The following SHTN1 variants were observed in gnomAD, a reference collection of about 807,000 sequenced individuals.
SHTN1 encodes shootin 1, also known as shootin-1.
In SHTN1, 42 loss-of-function variants were observed where a neutral mutation model predicts 83.1. The observed-to-expected ratio is 0.51, with a 90% confidence interval of 0.39 to 0.65. The LOEUF is 0.65. Among genes scored for constraint, SHTN1 ranks in the 30% least tolerant of loss-of-function variants. The pLI is 0.00. For missense variants in SHTN1, 622 were observed against 737.8 expected (o/e 0.84, Z 1.82); for synonymous variants, 224 against 247.7 (o/e 0.90, Z 0.90).
chr10:117,011,569 G>A (rs1479080820), intron 2 of SHTN1, among the ~76,000 whole-genome samples: 1 of 152,166 alleles, frequency 6.6e-6, no homozygotes, highest in Non-Finnish European at 1.5e-5. Context: ...GTTTAGTGAG[G>A]TTACAGGATA....
chr10:117,075,686 C>G (rs1447768464), intron 1 of SHTN1, among the ~76,000 whole-genome samples: 2 of 152,040 alleles, frequency 1.3e-5, no homozygotes, highest in East Asian at 3.9e-4. Flanking sequence ...ATAGTAGTGG[C>G]TCAACTAGGA....
intron 7 of SHTN1, among the ~76,000 whole-genome samples, chr10:116,947,040 G>A (rs915894568): frequency 2.6e-5 from 4 of 151,994 alleles, no homozygotes; most frequent in African/African-American, 4.8e-5. Context: ...ATTTTTAAGT[G>A]TTCTCCATAT....
chr10:117,005,259 A>C, upstream of SHTN1: 1 of 1,445,428 alleles, frequency 6.9e-7, no homozygotes, highest in Non-Finnish European at 9.1e-7. Context: ...CCACGCACCT[A>C]CTCGGCGGCT....
chr10:117,123,827 T>C (rs1415562274), intron 1 of SHTN1, among the ~76,000 whole-genome samples: 2 of 149,630 alleles, frequency 1.3e-5, no homozygotes, highest in Admixed American at 6.8e-5. Context: ...GAGAACTGCT[T>C]GAACCCGAGA....
At chr10:117,009,008 A>G (rs1479110804), upstream of SHTN1, among the ~76,000 whole-genome samples, 9 of 152,030 alleles carry the variant, frequency 5.9e-5, no homozygotes, top group Non-Finnish European at 1.5e-5. Flanking sequence ...CCAGCTACTC[A>G]GGAGGCTGAG....
intron 16 of SHTN1, among the ~76,000 whole-genome samples, chr10:116,900,143 A>T (rs1488676136): frequency 6.6e-6 from 1 of 152,254 alleles, no homozygotes; most frequent in African/African-American, 2.4e-5. Context: ...TACTGTCAAT[A>T]TGAAAATACA....
intron 15 of SHTN1, 70 bp downstream of exon 15, chr10:116,906,556 GT>G: frequency 1.4e-6 from 2 of 1,446,482 alleles, no homozygotes; most frequent in Non-Finnish European, 1.9e-6. Flanking sequence ...ATTGTTTCAT[GT>G]AAAAAGAGAC....
At chr10:116,900,882 G>A in intron 16 of SHTN1, 1 of 985,268 alleles carries the variant, frequency 1.0e-6, no homozygotes, top group African/African-American at 1.7e-5. Context: ...TAGTAGCAAT[G>A]AGAGAATGCA....
At chr10:117,062,133 T>G (rs1282014153) in intron 1 of SHTN1, among the ~76,000 whole-genome samples, 1 of 152,220 alleles carries the variant, frequency 6.6e-6, no homozygotes, top group African/African-American at 2.4e-5. Context: ...CATTTCACAT[T>G]AGTCTTTTAA....
At chr10:117,004,835 G>A (rs1851953582) in intron 1 of SHTN1, among the ~76,000 whole-genome samples, 187 bp downstream of exon 1, 2 of 152,164 alleles carry the variant, frequency 1.3e-5, no homozygotes, top group Admixed American at 1.3e-4. Context: ...CGTTATCCTC[G>A]GTCCAGAGCT....
At chr10:117,072,212 C>A (rs1853090853) in intron 1 of SHTN1, among the ~76,000 whole-genome samples, 1 of 152,184 alleles carries the variant, frequency 6.6e-6, no homozygotes, top group South Asian at 2.1e-4. Flanking sequence ...CATTGGATTA[C>A]AAGTTCTTCA....
rs1176473990 is a variant in SHTN1 at position 116,940,502 on chromosome 10, C to T, written c.822G>A (p.Gln274=). The change falls in exon 9 of 17, where the codon CAG becomes CAA. Residue 274 remains glutamine, a synonymous_variant. Transcript: ENST00000355371. ...KALDENAKLT[Q]QLEEERIQHQ... ...GCTGAATTCTCTCTTCTTCAAGTTGCTGGGTGAGTTTTGCATTTTCGTCTA... is the reference window on the plus strand; with the variant it reads ...GCTGAATTCTCTCTTCTTCAAGTTGTTGGGTGAGTTTTGCATTTTCGTCTA... The T allele has an allele frequency of 1.9e-6, 3 of 1,613,896 alleles. No individual in the cohort carries two copies. Among genetic ancestry groups the T allele is most frequent in the Non-Finnish European group, 2.5e-6 (3 of 1,179,920 alleles).
At chr10:117,105,836 A>T (rs1048752947) in intron 1 of SHTN1, among the ~76,000 whole-genome samples, 3 of 152,084 alleles carry the variant, frequency 2.0e-5, no homozygotes, top group Admixed American at 6.5e-5. Flanking sequence ...CGGGCAACAT[A>T]GTGAAACCCT....
intron 1 of SHTN1, among the ~76,000 whole-genome samples, chr10:117,084,311 G>A (rs1263723495): frequency 1.3e-5 from 2 of 152,174 alleles, no homozygotes; most frequent in Admixed American, 1.3e-4. Flanking sequence ...GCAGTGTGAG[G>A]TGTCAGTGTG....
chr10:116,978,165 A>G (rs527846385), intron 2 of SHTN1, among the ~76,000 whole-genome samples: 1 of 152,298 alleles, frequency 6.6e-6, no homozygotes, highest in South Asian at 2.1e-4. Flanking sequence ...TGGAGTACTT[A>G]CCATTAATAT....
At chr10:116,947,638 C>A (rs1849640131) in intron 7 of SHTN1, among the ~76,000 whole-genome samples, 1 of 152,174 alleles carries the variant, frequency 6.6e-6, no homozygotes, top group African/African-American at 2.4e-5. Context: ...AATTGACTCT[C>A]TTTTCTATGT....
chr10:117,073,592 T>C (rs1230674303), intron 1 of SHTN1, among the ~76,000 whole-genome samples: 2 of 152,192 alleles, frequency 1.3e-5, no homozygotes, highest in Non-Finnish European at 2.9e-5. Flanking sequence ...TGCATTTCAT[T>C]GATTAGCCTA....
chr10:117,013,979 C>T (rs770847135), intron 2 of SHTN1, among the ~76,000 whole-genome samples: 10 of 151,940 alleles, frequency 6.6e-5, no homozygotes, highest in Non-Finnish European at 1.2e-4. Flanking sequence ...AAAGAATGAG[C>T]TACTGAGTGG....
intron 1 of SHTN1, among the ~76,000 whole-genome samples, chr10:117,122,736 TG>T (rs1189736978): frequency 2.0e-5 from 3 of 152,290 alleles, no homozygotes; most frequent in African/African-American, 7.2e-5. Flanking sequence ...TTGTCTACTA[TG>T]TACCAATCTA....
Sources: allele counts gnomAD v4.1 joint callset (sites outside exome capture counted in the v4.1 genomes callset), GRCh38; gene constraint gnomAD v4.1.1; transcripts MANE v1.5; gene names NCBI Gene and HGNC (gene_info 2026-07-23, HGNC 2026-07-21).